The following RORB variants were observed in gnomAD, a reference collection of about 807,000 sequenced individuals.
RORB encodes the protein nuclear receptor ROR-beta.
Under a neutral mutation model 59.1 loss-of-function variants are expected in RORB, and 6 were observed. The observed-to-expected ratio is 0.10, with a 90% CI of 0.06 to 0.20. The LOEUF (loss-of-function observed/expected upper bound fraction) is 0.20, where lower values mean the gene tolerates loss of function less well. Ranked by LOEUF, RORB falls within the 10% of genes least tolerant of loss-of-function variation. The pLI, the probability that RORB is intolerant of heterozygous loss-of-function variation, is 1.00. For missense variants in RORB, 320 were observed against 560.5 expected, an observed-to-expected ratio of 0.57 and a Z score of 4.33; for synonymous variants, 215 against 204.5, an observed-to-expected ratio of 1.05 and a Z score of -0.44.
intron 4 of RORB, among the ~76,000 whole-genome samples, chr9:74,653,525 T>G (rs991620830): frequency 2.0e-5 from 3 of 151,556 alleles, no homozygotes; most frequent in African/African-American, 7.3e-5. Flanking sequence ...AAGAAACCAT[T>G]CTTTCTCAGG....
At chr9:74,547,945 G>A (rs192074269) in intron 1 of RORB, among the ~76,000 whole-genome samples, 49 of 152,338 alleles carry the variant, frequency 3.2e-4, no homozygotes, top group Admixed American at 5.2e-4. Flanking sequence ...CCAGGCTACT[G>A]TAATAATCCA....
At chr9:74,550,241 GA>G (rs1435288215) in intron 1 of RORB, among the ~76,000 whole-genome samples, 2 of 152,104 alleles carry the variant, frequency 1.3e-5, no homozygotes, top group African/African-American at 4.8e-5. Context: ...ATCTATGTTT[GA>G]AAATATAGAT....
In RORB at chr9:74,691,052, T is replaced by A. The variant is rs1824732579; in HGVS notation, c.*5434T>A. 1 of 152,242 alleles carries A rather than the reference T, an allele frequency of 6.6e-6. No homozygotes were observed. The allele number at this position is 152,242 out of a possible 1,614,324, so 9.4% of individuals were successfully genotyped here. A position where few individuals can be genotyped will look rare whatever the true frequency, so the allele number is the denominator to read the frequency against. The stretch of plus-strand genomic sequence containing the variant: ...CATGTAGTCCTCCATTGTTTGGAAG[T>A]GCAGACCATGGATTCCTATGCAGCA... On this transcript the variant is annotated 3_prime_UTR_variant, in exon 10 of 10. Coordinates refer to ENST00000376896, the MANE Select transcript of RORB (RefSeq NM_006914.4).
At chr9:74,598,214 A>T (rs756855192) in intron 1 of RORB, among the ~76,000 whole-genome samples, 2 of 152,126 alleles carry the variant, frequency 1.3e-5, no homozygotes, top group African/African-American at 2.4e-5. Context: ...GGAGGTGAAG[A>T]GCAGTAGATT....
intron 1 of RORB, among the ~76,000 whole-genome samples, chr9:74,626,127 G>T: frequency 6.6e-6 from 1 of 152,068 alleles, no homozygotes; most frequent in Non-Finnish European, 1.5e-5. Flanking sequence ...TTGTGGCAGG[G>T]AACTCTAAAC....
intron 9 of RORB, among the ~76,000 whole-genome samples, chr9:74,673,233 T>C (rs1448926159): frequency 6.6e-6 from 1 of 152,218 alleles, no homozygotes; most frequent in Admixed American, 6.5e-5. Flanking sequence ...CATGTGTCTC[T>C]ATAGTTGCTT....
intron 9 of RORB, among the ~76,000 whole-genome samples, chr9:74,682,352 G>A (rs1824560998): frequency 1.3e-5 from 2 of 151,518 alleles, no homozygotes. Context: ...GTTACTGGGT[G>A]CAGCACACCA....
chr9:74,563,878 A>G (rs990396025), intron 1 of RORB, among the ~76,000 whole-genome samples: 4 of 152,212 alleles, frequency 2.6e-5, no homozygotes, highest in African/African-American at 7.2e-5. Context: ...GATGCCTTCC[A>G]ATGGTGACTA....
At chr9:74,583,234 T>C (rs1426314676) in intron 1 of RORB, among the ~76,000 whole-genome samples, 2 of 152,090 alleles carry the variant, frequency 1.3e-5, no homozygotes, top group Admixed American at 6.5e-5. Flanking sequence ...TAGATGGTTA[T>C]AAAGCAGCAG....
chr9:74,612,103 G>T (rs1475677412), intron 1 of RORB, among the ~76,000 whole-genome samples: 1 of 152,216 alleles, frequency 6.6e-6, no homozygotes, highest in African/African-American at 2.4e-5. Context: ...TGGGGACATA[G>T]GATCCCAGGG....
Position 74,691,565 on chromosome 9 carries a change from A to G in RORB, c.*5947A>G, listed in dbSNP as rs1306359484. The G allele has an allele frequency of 6.6e-6, 1 of 152,198 alleles. No homozygotes were observed. Among genetic ancestry groups the G allele is most frequent in the Non-Finnish European group, 1.5e-5 (1 of 68,040 alleles). 9.4% of individuals were successfully genotyped at this position (152,198 alleles called of 1,614,324 possible). A position where few individuals can be genotyped will look rare whatever the true frequency, so the allele number is the denominator to read the frequency against. On this transcript the variant is annotated 3_prime_UTR_variant, in exon 10 of 10. Coordinates refer to ENST00000376896, the MANE Select transcript of RORB (RefSeq NM_006914.4). ...TTTTTCAAATGTAATTACTTTTAAT[A>G]TATGCTTGTGGAAGGTCTAATACAA...
At chr9:74,625,120 A>C (rs1304980267) in intron 1 of RORB, among the ~76,000 whole-genome samples, 1 of 152,004 alleles carries the variant, frequency 6.6e-6, no homozygotes, top group Non-Finnish European at 1.5e-5. Flanking sequence ...ATTCCTGGTG[A>C]CTCTTTAAAA....
At chr9:74,643,723 G>A (rs1345238484) in intron 4 of RORB, among the ~76,000 whole-genome samples, 1 of 152,214 alleles carries the variant, frequency 6.6e-6, no homozygotes, top group Non-Finnish European at 1.5e-5. Flanking sequence ...GCAATATTTA[G>A]TGTACTGGAG....
intron 1 of RORB, among the ~76,000 whole-genome samples, chr9:74,512,878 C>T (rs967991474): frequency 2.0e-5 from 3 of 152,106 alleles, no homozygotes; most frequent in Non-Finnish European, 4.4e-5. Context: ...TTATTATGTG[C>T]ATGGTTCCCA....
intron 4 of RORB, among the ~76,000 whole-genome samples, chr9:74,652,494 C>T (rs1349756909): frequency 6.6e-6 from 1 of 152,042 alleles, no homozygotes; most frequent in Non-Finnish European, 1.5e-5. Context: ...CAATCTTTGC[C>T]CAGCTATTAC....
chr9:74,648,880 G>A (rs372362655), intron 4 of RORB, among the ~76,000 whole-genome samples: 1 of 151,988 alleles, frequency 6.6e-6, no homozygotes. Flanking sequence ...TAGGGCAAAC[G>A]CACCTGTCCT....
At chr9:74,580,023 T>G (rs1441627538) in intron 1 of RORB, among the ~76,000 whole-genome samples, 1 of 152,210 alleles carries the variant, frequency 6.6e-6, no homozygotes, top group Non-Finnish European at 1.5e-5. Context: ...TTTATTATTG[T>G]TGTTTATTAT....
intron 1 of RORB, among the ~76,000 whole-genome samples, chr9:74,552,385 T>G (rs1205136957): frequency 1.3e-5 from 2 of 152,282 alleles, no homozygotes; most frequent in South Asian, 2.1e-4. Flanking sequence ...GGCCATGTAC[T>G]TCCTGGCTTT....
At chr9:74,551,008 A>G (rs896957364) in intron 1 of RORB, among the ~76,000 whole-genome samples, 6 of 152,142 alleles carry the variant, frequency 3.9e-5, no homozygotes, top group Admixed American at 6.6e-5. Flanking sequence ...AATTTTATCT[A>G]TTTCTTTTTA....
Sources: allele counts gnomAD v4.1 joint callset (sites outside exome capture counted in the v4.1 genomes callset), GRCh38; gene constraint gnomAD v4.1.1; transcripts MANE v1.5; gene names NCBI Gene and HGNC (gene_info 2026-07-23, HGNC 2026-07-21).